The following SDHC variants were observed in gnomAD, a reference collection of about 807,000 sequenced individuals.
SDHC encodes the protein succinate dehydrogenase cytochrome b560 subunit, mitochondrial.
Under a neutral mutation model 22.6 loss-of-function variants are expected in SDHC, and 11 were observed. That is an observed-to-expected ratio of 0.49 (90% confidence interval 0.31 to 0.81). The LOEUF is 0.81. SDHC is among the 30% of genes least tolerant of loss of function. The pLI, the probability that SDHC is intolerant of heterozygous loss-of-function variation, is 0.05. For missense variants in SDHC, 160 were observed against 212.0 expected (o/e 0.75, Z 1.52); for synonymous variants, 80 against 77.8 (o/e 1.03, Z -0.15).
At chr1:161,343,012 A>T (rs1204772487) in intron 4 of SDHC, among the ~76,000 whole-genome samples, 3 of 152,156 alleles carry the variant, frequency 2.0e-5, no homozygotes, top group African/African-American at 7.2e-5. Context: ...TTGCCAGGAG[A>T]TGGCCCATTT....
At chr1:161,317,848 G>A (rs370190604) in intron 1 of SDHC, among the ~76,000 whole-genome samples, 30 of 150,548 alleles carry the variant, frequency 2.0e-4, no homozygotes, top group Admixed American at 7.3e-4. Context: ...AAGCCACCAC[G>A]CCGGGCCAAT....
intron 1 of SDHC, among the ~76,000 whole-genome samples, chr1:161,318,803 G>A (rs1234750117): frequency 6.7e-6 from 1 of 150,168 alleles, no homozygotes; most frequent in East Asian, 1.9e-4. Flanking sequence ...GGAGGCCGAG[G>A]CGGGAGGATC....
intron 3 of SDHC, 109 bp from the exon 4 acceptor site, chr1:161,340,485 G>GA (rs968882090): frequency 4.2e-5 from 35 of 832,414 alleles, no homozygotes; most frequent in East Asian, 1.1e-4. Flanking sequence ...AAAAAAAAAA[G>GA]AAAAAAAAGT....
At chr1:161,319,063 G>C (rs1438536225) in intron 1 of SDHC, among the ~76,000 whole-genome samples, 2 of 151,724 alleles carry the variant, frequency 1.3e-5, no homozygotes, top group African/African-American at 4.8e-5. Flanking sequence ...ACAAAAAACA[G>C]AAACAAAATT....
chr1:161,317,416 C>T (rs148453589), intron 1 of SDHC, among the ~76,000 whole-genome samples: 75 of 151,814 alleles, frequency 4.9e-4, no homozygotes, highest in African/African-American at 1.7e-3. Context: ...GTGTACAACA[C>T]GATGTTTTGA....
intron 2 of SDHC, among the ~76,000 whole-genome samples, chr1:161,323,907 A>C (rs1205503369): frequency 6.6e-6 from 1 of 152,124 alleles, no homozygotes; most frequent in Non-Finnish European, 1.5e-5. Context: ...CGTGTTAGCC[A>C]GGACGGTCTC....
At chr1:161,322,415 TATA>T (rs1247483434) in intron 1 of SDHC, among the ~76,000 whole-genome samples, 1 of 152,170 alleles carries the variant, frequency 6.6e-6, no homozygotes, top group Non-Finnish European at 1.5e-5. Flanking sequence ...TTTTGCACAT[TATA>T]ATAATTACAT....
chr1:161,358,528 C>G (rs1363968023), intron 5 of SDHC, among the ~76,000 whole-genome samples: 1 of 151,840 alleles, frequency 6.6e-6, no homozygotes, highest in Non-Finnish European at 1.5e-5. Flanking sequence ...TCCCAGCTAC[C>G]CGTAAGGCTG....
At chr1:161,320,225 G>C (rs1042142431) in intron 1 of SDHC, among the ~76,000 whole-genome samples, 1 of 152,102 alleles carries the variant, frequency 6.6e-6, no homozygotes. Context: ...CATCATATGG[G>C]GGGGGTGGTG....
At chr1:161,347,540 C>A (rs983405766) in intron 4 of SDHC, among the ~76,000 whole-genome samples, 14 of 150,740 alleles carry the variant, frequency 9.3e-5, no homozygotes, top group African/African-American at 3.4e-4. Context: ...CAGGCATGAG[C>A]CACCACACCC....
intron 3 of SDHC, among the ~76,000 whole-genome samples, chr1:161,336,705 T>C (rs949846314): frequency 6.6e-6 from 1 of 152,026 alleles, no homozygotes; most frequent in African/African-American, 2.4e-5. Context: ...GGGAAAGATA[T>C]CTGAGATACC....
chr1:161,326,562 A>AT (rs765100924), intron 2 of SDHC: 2 of 116,114 alleles, frequency 1.7e-5, no homozygotes, highest in Non-Finnish European at 3.5e-5. Flanking sequence ...TTTTTTTTTA[A>AT]ATATATATAT....
intron 4 of SDHC, among the ~76,000 whole-genome samples, chr1:161,348,413 C>T (rs1475768684): frequency 1.3e-5 from 2 of 151,708 alleles, no homozygotes; most frequent in Admixed American, 1.3e-4. Context: ...CCTGCCTCTG[C>T]CTCCCAAAGT....
intron 4 of SDHC, among the ~76,000 whole-genome samples, chr1:161,342,466 T>G (rs1320538428): frequency 6.6e-6 from 1 of 152,012 alleles, no homozygotes; most frequent in East Asian, 1.9e-4. Context: ...ATCCCTGCTG[T>G]GTGTACAAAC....
intron 4 of SDHC, among the ~76,000 whole-genome samples, chr1:161,348,146 T>C (rs1671965475): frequency 6.6e-6 from 1 of 152,078 alleles, no homozygotes; most frequent in Admixed American, 6.5e-5. Flanking sequence ...AAAAGAAACT[T>C]GACAATTTTT....
chr1:161,342,221 CTA>C (rs1671744919), intron 4 of SDHC, among the ~76,000 whole-genome samples: 1 of 152,168 alleles, frequency 6.6e-6, no homozygotes, highest in African/African-American at 2.4e-5. Context: ...AGTTTGCTCT[CTA>C]TTAGTCTCCT....
At chr1:161,360,028 A>G (rs1672442890) in intron 5 of SDHC, among the ~76,000 whole-genome samples, 1 of 142,074 alleles carries the variant, frequency 7.0e-6, no homozygotes, top group Non-Finnish European at 1.5e-5. Flanking sequence ...TCTCATCTTG[A>G]TTTTTTTTTT....
chr1:161,323,629 T>C lies in SDHC; in HGVS notation c.36T>C (p.His12=). ...AALLLRHVGR[H]CLRAHFSPQL... is the part of the protein sequence containing the mutation. ...TATCTTGCAGACACGTTGGTCGTCA[T>C]TGCCTCCGAGCCCACTTTAGCCCTC... is the stretch of plus-strand genomic sequence containing the variant. Residue 12 remains histidine (H), a synonymous_variant, in exon 2 of 6, where the codon CAT becomes CAC. Coordinates refer to ENST00000367975, the MANE Select transcript of SDHC (RefSeq NM_003001.5). The C allele has an allele frequency of 1.2e-6, 2 of 1,613,798 alleles. No homozygotes were observed. The highest frequency in any genetic ancestry group is 3.3e-5 in the Admixed American group (2 of 60,010).
intron 5 of SDHC, among the ~76,000 whole-genome samples, chr1:161,359,324 A>T (rs955062953): frequency 6.6e-6 from 1 of 152,044 alleles, no homozygotes; most frequent in Non-Finnish European, 1.5e-5. Flanking sequence ...TTAATGGAAT[A>T]AAAAAAATGA....
Sources: allele counts gnomAD v4.1 joint callset (sites outside exome capture counted in the v4.1 genomes callset), GRCh38; gene constraint gnomAD v4.1.1; transcripts MANE v1.5; gene names NCBI Gene and HGNC (gene_info 2026-07-23, HGNC 2026-07-21).